NXPE2: variants seen among roughly 807,000 people sequenced by gnomAD.
NXPE2 encodes the protein neurexophilin and PC-esterase domain family member 2.
In NXPE2, 34 loss-of-function variants were observed where a neutral mutation model predicts 34.4. The observed-to-expected ratio is 0.99, with a 90% confidence interval of 0.75 to 1.31. The LOEUF is 1.31. Ranked by LOEUF, NXPE2 falls within the 40% of genes most tolerant of loss-of-function variation. The probability of loss-of-function intolerance (pLI) is 0.00; values close to 1 mark genes in which losing one functional copy is unlikely to be tolerated. For missense variants in NXPE2, 649 were observed against 672.5 expected (o/e 0.97, Z 0.39); for synonymous variants, 235 against 231.3 (o/e 1.02, Z -0.15).
At chr11:114,498,321 A>G in the NXPE2 span, among the ~76,000 whole-genome samples, 1 of 152,110 alleles carries the variant, frequency 6.6e-6, no homozygotes, top group South Asian at 2.1e-4. Context: ...AATGTTTCTA[A>G]CACAAAAAAA....
chr11:114,611,409 T>C, the NXPE2 span, among the ~76,000 whole-genome samples: 1 of 151,740 alleles, frequency 6.6e-6, no homozygotes, highest in Non-Finnish European at 1.5e-5. Flanking sequence ...TCCCAGTGGA[T>C]AATAAGTATT....
the NXPE2 span, chr11:114,584,564 C>A: frequency 1.2e-5 from 2 of 161,856 alleles, no homozygotes; most frequent in Non-Finnish European, 2.7e-5. Context: ...CTCCCATCTT[C>A]AAAAAAGCCA....
the NXPE2 span, among the ~76,000 whole-genome samples, chr11:114,801,798 T>C: frequency 6.6e-6 from 1 of 152,096 alleles, no homozygotes; most frequent in African/African-American, 2.4e-5. Context: ...CCATGAAATA[T>C]GCAATTGGTG....
chr11:114,631,251 T>G, the NXPE2 span, among the ~76,000 whole-genome samples: 1 of 151,896 alleles, frequency 6.6e-6, no homozygotes, highest in African/African-American at 2.4e-5. Flanking sequence ...TTATTCACAA[T>G]AGCAAAGACT....
At chr11:114,789,982 G>A in the NXPE2 span, among the ~76,000 whole-genome samples, 10 of 152,188 alleles carry the variant, frequency 6.6e-5, no homozygotes, top group Non-Finnish European at 1.0e-4. Flanking sequence ...GCCATGCAGG[G>A]AATTCCCTAC....
intron 3 of NXPE2, 73 bp downstream of exon 3, chr11:114,698,851 A>G: frequency 7.3e-7 from 1 of 1,378,996 alleles, no homozygotes; most frequent in Non-Finnish European, 9.5e-7. Flanking sequence ...AGTTTTGCCT[A>G]ATCAAACTTT....
the NXPE2 span, among the ~76,000 whole-genome samples, chr11:114,640,607 C>T: frequency 6.6e-6 from 1 of 151,920 alleles, no homozygotes; most frequent in Non-Finnish European, 1.5e-5. Context: ...ACCACATCTT[C>T]ACGAACATCT....
chr11:114,643,774 G>GTT, the NXPE2 span, among the ~76,000 whole-genome samples: 1 of 149,274 alleles, frequency 6.7e-6, no homozygotes, highest in Non-Finnish European at 1.5e-5. Context: ...ACTTAAAGTA[G>GTT]TTTTTTTTTT....
At chr11:114,484,509 A>T in the NXPE2 span, among the ~76,000 whole-genome samples, 1 of 151,318 alleles carries the variant, frequency 6.6e-6, no homozygotes, top group Non-Finnish European at 1.5e-5. Flanking sequence ...TTTGTTGTCT[A>T]CTCCGTGGCT....
the NXPE2 span, among the ~76,000 whole-genome samples, chr11:114,482,977 C>T: frequency 2.0e-5 from 3 of 152,138 alleles, no homozygotes; most frequent in Non-Finnish European, 4.4e-5. Flanking sequence ...AATAATTCTA[C>T]TCCTCCTTCA....
In NXPE2 at chr11:114,698,276, A is replaced by G; in HGVS notation, c.364A>G (p.Thr122Ala). The part of the protein sequence containing the change: ...STATILNPQD[T>A]YCRGDQLDIL... ...AGCCACCATCCTCAACCCTCAAGAT[A>G]CGTACTGCAGGGGGGATCAGCTGGA... The change falls in exon 3 of 6, where the codon ACG becomes GCG. Residue 122 changes from threonine to alanine, a missense_variant. Physicochemically the swap from Thr to Ala is moderately conservative, Grantham distance 58. Transcript: ENST00000389586. 1 of 1,613,532 alleles carries G rather than the reference A, an allele frequency of 6.2e-7. No individual in the cohort carries two copies. The highest frequency in any genetic ancestry group is 8.5e-7 in the Non-Finnish European group (1 of 1,179,644).
At chr11:114,508,023 T>C in the NXPE2 span, among the ~76,000 whole-genome samples, 1 of 152,176 alleles carries the variant, frequency 6.6e-6, no homozygotes, top group South Asian at 2.1e-4. Context: ...CTTCTTAAGC[T>C]GTTAAAAGAA....
chr11:114,608,136 C>T, the NXPE2 span, among the ~76,000 whole-genome samples: 1 of 151,824 alleles, frequency 6.6e-6, no homozygotes, highest in Non-Finnish European at 1.5e-5. Context: ...ATAAGTATTG[C>T]CTCATGGGTA....
the NXPE2 span, among the ~76,000 whole-genome samples, chr11:114,487,065 T>C: frequency 6.6e-6 from 1 of 152,168 alleles, no homozygotes; most frequent in Admixed American, 6.5e-5. Context: ...GAAATTGCAT[T>C]GAATCTGAAG....
chr11:114,471,521 C>T, the NXPE2 span, among the ~76,000 whole-genome samples: 2 of 152,038 alleles, frequency 1.3e-5, no homozygotes, highest in African/African-American at 4.8e-5. Flanking sequence ...ACCTTATTAG[C>T]CATATATAAA....
At chr11:114,542,388 C>T in the NXPE2 span, among the ~76,000 whole-genome samples, 2 of 152,112 alleles carry the variant, frequency 1.3e-5, no homozygotes, top group Non-Finnish European at 1.5e-5. Context: ...TACTAAACAG[C>T]ATGAACATTA....
At chr11:114,555,523 C>A in the NXPE2 span, among the ~76,000 whole-genome samples, 2 of 152,168 alleles carry the variant, frequency 1.3e-5, no homozygotes, top group Admixed American at 6.6e-5. Context: ...CCACGCCCAG[C>A]CAAGAATACA....
the NXPE2 span, among the ~76,000 whole-genome samples, chr11:114,637,348 C>T: frequency 2.6e-5 from 4 of 151,794 alleles, no homozygotes; most frequent in Non-Finnish European, 5.9e-5. Flanking sequence ...ATTTTGAGCC[C>T]ATGTGTGTCT....
At chr11:114,774,506 C>T in the NXPE2 span, among the ~76,000 whole-genome samples, 17 of 152,202 alleles carry the variant, frequency 1.1e-4, no homozygotes, top group Non-Finnish European at 1.8e-4. Context: ...TCCGCCGGGA[C>T]GGTAACCCTG....
Sources: allele counts gnomAD v4.1 joint callset (sites outside exome capture counted in the v4.1 genomes callset), GRCh38; gene constraint gnomAD v4.1.1; transcripts MANE v1.5; gene names NCBI Gene and HGNC (gene_info 2026-07-23, HGNC 2026-07-21).